The following TBC1D5 variants were observed in gnomAD, a reference collection of about 807,000 sequenced individuals.
TBC1D5 encodes the protein TBC1 domain family, member 5.
In TBC1D5, 75 loss-of-function variants were observed where a neutral mutation model predicts 100.3. The observed-to-expected ratio is 0.75, with a 90% CI of 0.62 to 0.91. The LOEUF (loss-of-function observed/expected upper bound fraction) is 0.91. Among genes scored for constraint, TBC1D5 ranks in the 40% least tolerant of loss-of-function variants. TBC1D5 has a pLI of 0.00. For synonymous variants in TBC1D5, 323 were observed against 325.6 expected, an observed-to-expected ratio of 0.99 and a Z score of 0.09; for missense variants, 910 against 942.4, an observed-to-expected ratio of 0.97 and a Z score of 0.45.
intron 2 of TBC1D5, among the ~76,000 whole-genome samples, chr3:17,563,960 T>G (rs2096576820): frequency 6.6e-6 from 1 of 152,152 alleles, no homozygotes. Flanking sequence ...TTTTTTGTAT[T>G]TTTAGTAGAG....
chr3:17,310,538 A>G (rs1188552294), intron 13 of TBC1D5, among the ~76,000 whole-genome samples: 1 of 151,986 alleles, frequency 6.6e-6, no homozygotes, highest in Non-Finnish European at 1.5e-5. Context: ...CTTTGTAAAG[A>G]CCTCTATACA....
chr3:17,597,561 T>A (rs187497734), intron 2 of TBC1D5, among the ~76,000 whole-genome samples: 10 of 152,350 alleles, frequency 6.6e-5, no homozygotes, highest in Middle Eastern at 3.4e-3. Flanking sequence ...ACTCTGTTCA[T>A]GAAATTTCTT....
intron 8 of TBC1D5, among the ~76,000 whole-genome samples, chr3:17,387,547 G>A (rs2093203411): frequency 6.6e-6 from 1 of 151,836 alleles, no homozygotes; most frequent in African/African-American, 2.4e-5. Context: ...AAGAAATGTG[G>A]GAGAAAAAGT....
At chr3:17,232,255 C>T (rs2075487498) in intron 17 of TBC1D5, among the ~76,000 whole-genome samples, 2 of 152,124 alleles carry the variant, frequency 1.3e-5, no homozygotes, top group African/African-American at 4.8e-5. Flanking sequence ...CTTAGCTTTT[C>T]TTTCCATAGG....
intron 2 of TBC1D5, chr3:17,547,094 A>C (rs1292206482): frequency 6.6e-6 from 1 of 152,168 alleles, no homozygotes; most frequent in Non-Finnish European, 1.5e-5. Flanking sequence ...AAGCAAAACA[A>C]AACAAAAACA....
chr3:17,579,317 T>C (rs2096677566), intron 2 of TBC1D5, among the ~76,000 whole-genome samples: 2 of 152,230 alleles, frequency 1.3e-5, no homozygotes, highest in East Asian at 3.9e-4. Context: ...CACAGGTGAA[T>C]GTAAATTAGA....
At chr3:17,572,671 C>CAAGG (rs1428506610) in intron 2 of TBC1D5, among the ~76,000 whole-genome samples, 1 of 152,024 alleles carries the variant, frequency 6.6e-6, no homozygotes, top group African/African-American at 2.4e-5. Context: ...AATTGCTTAC[C>CAAGG]AAGGCACATT....
At chr3:17,689,518 C>CAAAAAAAAAAA (rs373476990) in intron 1 of TBC1D5, among the ~76,000 whole-genome samples, 1 of 55,040 alleles carries the variant, frequency 1.8e-5, no homozygotes, top group Non-Finnish European at 3.8e-5. Context: ...GACCCTGTCT[C>CAAAAAAAAAAA]AAAAAAAAAA....
At chr3:17,452,250 G>C (rs534298500) in intron 3 of TBC1D5, among the ~76,000 whole-genome samples, 259 of 151,706 alleles carry the variant, frequency 1.7e-3, no homozygotes, top group Non-Finnish European at 2.1e-3. Flanking sequence ...AGGAAGGAAG[G>C]GAAGATTACA....
intron 2 of TBC1D5, among the ~76,000 whole-genome samples, chr3:17,572,888 AC>A (rs1175828706): frequency 1.3e-5 from 2 of 151,928 alleles, no homozygotes; most frequent in African/African-American, 2.4e-5. Context: ...CCTTATCTCT[AC>A]CTATAATCCC....
intron 1 of TBC1D5, among the ~76,000 whole-genome samples, chr3:17,639,061 C>T (rs2064243622): frequency 6.6e-6 from 1 of 152,106 alleles, no homozygotes; most frequent in Non-Finnish European, 1.5e-5. Flanking sequence ...AAGACTTGAG[C>T]ACAAATATTC....
At chr3:17,693,534 G>A (rs2071502459) in intron 1 of TBC1D5, among the ~76,000 whole-genome samples, 1 of 152,242 alleles carries the variant, frequency 6.6e-6, no homozygotes, top group Non-Finnish European at 1.5e-5. Flanking sequence ...TGGGGGAGGG[G>A]CGTCCCCCAT....
intron 1 of TBC1D5, among the ~76,000 whole-genome samples, chr3:17,704,868 C>CG (rs1166714004): frequency 2.9e-5 from 3 of 104,516 alleles, no homozygotes; most frequent in African/African-American, 1.2e-4. Flanking sequence ...GCTGGCCGGG[C>CG]GGGGGGCTGA....
At chr3:17,614,533 T>A (rs1478895165) in intron 2 of TBC1D5, among the ~76,000 whole-genome samples, 3 of 152,216 alleles carry the variant, frequency 2.0e-5, no homozygotes, top group Admixed American at 2.0e-4. Context: ...AGAATGTTCC[T>A]CCATTTGTTT....
intron 1 of TBC1D5, among the ~76,000 whole-genome samples, chr3:17,676,407 A>T (rs529990719): frequency 3.3e-5 from 5 of 152,278 alleles, no homozygotes; most frequent in African/African-American, 1.2e-4. Context: ...CACAATTGCT[A>T]CCAAGAGAAT....
chr3:17,459,890 A>G (rs1167951565), intron 3 of TBC1D5, among the ~76,000 whole-genome samples: 1 of 152,236 alleles, frequency 6.6e-6, no homozygotes, highest in African/African-American at 2.4e-5. Flanking sequence ...TTTACAGCAA[A>G]TAGCAGATAA....
chr3:17,541,671 TG>T (rs1490327044), intron 2 of TBC1D5, among the ~76,000 whole-genome samples: 1 of 152,226 alleles, frequency 6.6e-6, no homozygotes, highest in African/African-American at 2.4e-5. Flanking sequence ...TTAATTTGGA[TG>T]GCTTTCTTTT....
At chr3:17,195,024 C>T (rs1032142331) in intron 18 of TBC1D5, among the ~76,000 whole-genome samples, 5 of 152,222 alleles carry the variant, frequency 3.3e-5, no homozygotes, top group Non-Finnish European at 4.4e-5. Context: ...TAAAACCTCA[C>T]TTGCAGAGTT....
intron 19 of TBC1D5, among the ~76,000 whole-genome samples, chr3:17,174,917 G>A (rs746842026): frequency 2.0e-5 from 3 of 152,100 alleles, no homozygotes; most frequent in Non-Finnish European, 4.4e-5. Flanking sequence ...TGAGAGAGCA[G>A]GTAACTGGCT....
Sources: allele counts gnomAD v4.1 joint callset (sites outside exome capture counted in the v4.1 genomes callset), GRCh38; gene constraint gnomAD v4.1.1; transcripts MANE v1.5; gene names NCBI Gene and HGNC (gene_info 2026-07-23, HGNC 2026-07-21).